GPLD1: variants seen among roughly 807,000 people sequenced by gnomAD.
GPLD1 encodes phosphatidylinositol-glycan-specific phospholipase D.
GPLD1 carries 84 observed loss-of-function variants against 112.6 expected under a neutral mutation model. The ratio of observed to expected loss-of-function variants is 0.75; its 90% CI spans 0.63 to 0.89. GPLD1 has a LOEUF of 0.89. Ranked by LOEUF, GPLD1 falls within the 40% of genes least tolerant of loss-of-function variation. The pLI, the probability that GPLD1 is intolerant of heterozygous loss-of-function variation, is 0.00. For synonymous variants in GPLD1, 386 were observed against 403.8 expected (o/e 0.96, Z 0.53); for missense variants, 1,044 against 1,051.5 (o/e 0.99, Z 0.10).
intron 23 of GPLD1, 21 bp downstream of exon 23, chr6:24,433,342 A>G: frequency 6.2e-7 from 1 of 1,605,936 alleles, no homozygotes; most frequent in Non-Finnish European, 8.5e-7. Context: ...TTCTTTCTTC[A>G]GTCTTTCAAG....
At chr6:24,424,921 AT>A (rs1243751478), downstream of GPLD1, 1 of 151,824 alleles carries the variant, frequency 6.6e-6, no homozygotes, top group African/African-American at 2.4e-5. Flanking sequence ...AAGAAAACCG[AT>A]GAAGTACAAG....
chr6:24,465,022 C>T (rs911733903), intron 10 of GPLD1, among the ~76,000 whole-genome samples: 7 of 151,296 alleles, frequency 4.6e-5, no homozygotes, highest in Non-Finnish European at 7.4e-5. Context: ...CATGGCAAAA[C>T]TCTGTCTCTA....
At chr6:24,446,205 C>T (rs1440656628) in intron 18 of GPLD1, among the ~76,000 whole-genome samples, 1 of 152,070 alleles carries the variant, frequency 6.6e-6, no homozygotes, top group Non-Finnish European at 1.5e-5. Context: ...GATTAAGTTA[C>T]GATGAGGTCA....
Position 24,495,158 on chromosome 6 carries a change from C to T in GPLD1, n.48G>A, listed in dbSNP as rs760612467. The T allele has an allele frequency of 1.0e-5, 15 of 1,450,282 alleles. No individual in the cohort carries two copies. Among genetic ancestry groups the T allele is most frequent in the South Asian group, 9.5e-5 (7 of 73,374 alleles). 89.8% of individuals were successfully genotyped at this position (1,450,282 alleles called of 1,614,324 possible). On this transcript the variant is annotated non_coding_transcript_exon_variant, in exon 1 of 11. Coordinates refer to the GPLD1 transcript ENST00000474784. ...GCTACGCTGGGCGCCTGGCGGGCCT[C>T]TCTGCGGCGCTGCTGCGCACCGACA... is the stretch of plus-strand genomic sequence containing the variant.
intron 24 of GPLD1, 151 bp downstream of exon 24, chr6:24,433,036 A>T (rs531701419): frequency 2.8e-6 from 2 of 712,644 alleles, no homozygotes; most frequent in Middle Eastern, 7.5e-4. Flanking sequence ...CCACCAAGGA[A>T]GTGATGAGAT....
intron 12 of GPLD1, among the ~76,000 whole-genome samples, chr6:24,457,886 G>A (rs116514807): frequency 0.015 from 2,315 of 150,762 alleles, 48 homozygotes; most frequent in African/African-American, 0.051. Context: ...AAAAAAAAAC[G>A]ATATCCTCCA....
At chr6:24,471,265 T>C (rs576473857) in intron 7 of GPLD1, among the ~76,000 whole-genome samples, 37 of 152,070 alleles carry the variant, frequency 2.4e-4, no homozygotes, top group Non-Finnish European at 4.1e-4. Context: ...GAGGCCAAGG[T>C]GGGCGGATCA....
chr6:24,476,484 T>G (rs191596268), intron 3 of GPLD1, among the ~76,000 whole-genome samples: 1 of 152,250 alleles, frequency 6.6e-6, no homozygotes, highest in Non-Finnish European at 1.5e-5. Flanking sequence ...GTCTGCCTGA[T>G]GACTAAAAAG....
At chr6:24,458,937 T>G (rs1194992427) in intron 12 of GPLD1, among the ~76,000 whole-genome samples, 2 of 152,024 alleles carry the variant, frequency 1.3e-5, no homozygotes, top group Non-Finnish European at 2.9e-5. Context: ...AAACCTAAAC[T>G]AGGCCCTTCC....
chr6:24,482,193 G>A (rs11962469), intron 2 of GPLD1, among the ~76,000 whole-genome samples: 26,698 of 148,680 alleles, frequency 0.18, 2,755 homozygotes, highest in African/African-American at 0.28. Flanking sequence ...TCTGCCTTCC[G>A]GGTTCAAGCA....
intron 24 of GPLD1, among the ~76,000 whole-genome samples, chr6:24,431,311 TA>T (rs1471470826): frequency 6.6e-6 from 1 of 152,170 alleles, no homozygotes; most frequent in African/African-American, 2.4e-5. Context: ...GTTATATATA[TA>T]AATCTATGAA....
intron 14 of GPLD1, 69 bp from the exon 15 acceptor site, chr6:24,449,968 G>T: frequency 8.9e-7 from 1 of 1,124,546 alleles, no homozygotes; most frequent in Non-Finnish European, 1.3e-6. Flanking sequence ...CTGACCCCCA[G>T]GGAGTAGAGA....
upstream of GPLD1, among the ~76,000 whole-genome samples, chr6:24,490,160 T>C (rs532576522): frequency 1.3e-5 from 2 of 152,280 alleles, no homozygotes; most frequent in Middle Eastern, 3.4e-3. Flanking sequence ...CCAGAGCCTG[T>C]TGCAAGGTCA....
intron 24 of GPLD1, 145 bp downstream of exon 24, chr6:24,433,042 G>A (rs1361080946): frequency 8.4e-6 from 6 of 717,994 alleles, no homozygotes; most frequent in Admixed American, 4.0e-5. Context: ...AGGAAGTGAT[G>A]AGATTATATG....
chr6:24,467,331 C>A (rs1349446522), intron 7 of GPLD1, 57 bp from the exon 8 acceptor site: 1 of 919,308 alleles, frequency 1.1e-6, no homozygotes, highest in Non-Finnish European at 1.8e-6. Flanking sequence ...AAAATAGTAA[C>A]AACAGCAGCA....
chr6:24,485,659 A>G (rs2127371666), intron 2 of GPLD1, among the ~76,000 whole-genome samples: 1 of 151,144 alleles, frequency 6.6e-6, no homozygotes, highest in Admixed American at 6.6e-5. Flanking sequence ...ACATAAAGAA[A>G]TAAATAATGA....
At chr6:24,430,363 T>TTGTTTGG (rs1156576570) in intron 24 of GPLD1, among the ~76,000 whole-genome samples, 4 of 152,176 alleles carry the variant, frequency 2.6e-5, no homozygotes, top group Non-Finnish European at 2.9e-5. Flanking sequence ...CTGTCTGACC[T>TTGTTTGG]CGTTTGGCTC....
intron 1 of GPLD1, 85 bp from the exon 2 acceptor site, chr6:24,486,215 C>A: frequency 1.2e-6 from 1 of 867,804 alleles, no homozygotes; most frequent in East Asian, 2.4e-5. Flanking sequence ...AAGAAAAATA[C>A]ACAATTTGTG....
intron 22 of GPLD1, among the ~76,000 whole-genome samples, chr6:24,435,356 A>G (rs895571396): frequency 8.5e-5 from 13 of 152,148 alleles, no homozygotes; most frequent in African/African-American, 2.7e-4. Context: ...AGTTCTTAGC[A>G]TATGCATACT....
Sources: allele counts gnomAD v4.1 joint callset (sites outside exome capture counted in the v4.1 genomes callset), GRCh38; gene constraint gnomAD v4.1.1; transcripts MANE v1.5; gene names NCBI Gene and HGNC (gene_info 2026-07-23, HGNC 2026-07-21).